Variants in SENP6 observed in about 807,000 individuals in gnomAD.
The protein encoded by SENP6 is sentrin-specific protease 6.
Under a neutral mutation model 134.5 loss-of-function variants are expected in SENP6, and 41 were observed. The ratio of observed to expected loss-of-function variants is 0.30; its 90% CI spans 0.24 to 0.40. The LOEUF is 0.40. SENP6 is among the 10% of genes least tolerant of loss of function. The pLI is 1.00. For synonymous variants in SENP6, 395 were observed against 429.8 expected (o/e 0.92, Z 1.00); for missense variants, 1,248 against 1,312.5 (o/e 0.95, Z 0.76).
chr6:75,654,520 A>G (rs1771162973), intron 7 of SENP6, among the ~76,000 whole-genome samples: 1 of 152,248 alleles, frequency 6.6e-6, no homozygotes, highest in African/African-American at 2.4e-5. Flanking sequence ...AGTGATTTTT[A>G]AAGAAGATAA....
At chr6:75,678,486 C>A (rs943012659) in intron 14 of SENP6, 97 bp from the exon 15 acceptor site, 3 of 658,926 alleles carry the variant, frequency 4.6e-6, no homozygotes, top group African/African-American at 3.7e-5. Flanking sequence ...CATTTTTAAT[C>A]CTTTTGCATT....
chr6:75,625,580 T>G (rs1313734485), intron 3 of SENP6, among the ~76,000 whole-genome samples: 1 of 152,200 alleles, frequency 6.6e-6, no homozygotes, highest in Admixed American at 6.5e-5. Context: ...TTTAATAACT[T>G]ATTTGGGGCT....
At chr6:75,659,520 G>T in intron 8 of SENP6, 113 bp downstream of exon 8, 1 of 1,004,066 alleles carries the variant, frequency 1.0e-6, no homozygotes, top group South Asian at 1.8e-5. Context: ...AAGAGACTTG[G>T]AAAACTTATT....
intron 1 of SENP6, among the ~76,000 whole-genome samples, chr6:75,605,327 CTTTA>C (rs776681701): frequency 2.6e-5 from 4 of 152,152 alleles, no homozygotes; most frequent in African/African-American, 4.8e-5. Flanking sequence ...AGGACTCTGC[CTTTA>C]TTTAGTCTTC....
At chr6:75,679,624 G>T (rs1000582392) in intron 16 of SENP6, 1 of 152,252 alleles carries the variant, frequency 6.6e-6, no homozygotes, top group Non-Finnish European at 1.5e-5. Flanking sequence ...GGACCAGGAA[G>T]CTTTCCTGGA....
chr6:75,622,006 A>G (rs1768310903), intron 2 of SENP6, among the ~76,000 whole-genome samples: 1 of 152,200 alleles, frequency 6.6e-6, no homozygotes, highest in Non-Finnish European at 1.5e-5. Flanking sequence ...TGCATTTTGT[A>G]TGAAAGTTTA....
At position 75,710,332 on chromosome 6, in the gene SENP6, T is replaced by A. The variant is rs1290170229; in HGVS notation, c.2820+702T>A. Among the ~76,000 whole-genome samples the A allele has an allele frequency of 3.3e-5, 5 of 152,308 alleles. 1 individual carries two copies. The South Asian group carries it at 1.0e-3, about 32-fold the overall frequency. ...CAGTATGAACAGCAAGAATAAAGTATATCTGTGAAAATACTTTACTTTTTA... is the reference window on the plus strand; with the variant it reads ...CAGTATGAACAGCAAGAATAAAGTAAATCTGTGAAAATACTTTACTTTTTA... On this transcript the variant is annotated intron_variant, in intron 20 of 23. Transcript: ENST00000447266.
intron 16 of SENP6, among the ~76,000 whole-genome samples, chr6:75,692,605 G>C (rs1157562288): frequency 6.6e-6 from 1 of 151,990 alleles, no homozygotes. Flanking sequence ...CAGCCTGGGC[G>C]AGAGAGTGAG....
chr6:75,666,721 C>T lies in SENP6; in HGVS notation c.1004C>T (p.Ser335Phe). The T allele has an allele frequency of 6.6e-7, 1 of 1,516,012 alleles. No homozygotes were observed. Among genetic ancestry groups the T allele is most frequent in the South Asian group, 1.3e-5 (1 of 74,256 alleles). The allele number at this position is 1,516,012 out of a possible 1,614,324, so 93.9% of individuals were successfully genotyped here. The change falls in exon 10 of 24, where the codon TCC (serine) becomes TTC (phenylalanine). Residue 335 changes from serine (S) to phenylalanine (F), a missense_variant. Physicochemically the swap from Ser to Phe is radical, Grantham distance 155 (BLOSUM62 -2). Transcript: ENST00000447266. ...ATTAAAATACTTTTAGTCATTTTGT[C>T]CAGTGATGATGATGATGACAACGAC... ...LSDLNDPIIL[S>F]SDDDDDNDRT...
At position 75,686,540 on chromosome 6, in the gene SENP6, T is replaced by C. The variant is rs535975104; in HGVS notation, c.2075+7613T>C. Among the ~76,000 whole-genome samples the C allele has an allele frequency of 3.3e-5, 5 of 152,356 alleles. No homozygotes were observed. The East Asian group carries it at 9.6e-4, about 29-fold the overall frequency. ...TTTTTGCAGTGGCTGGTACCAGTTG[T>C]TTCTTTCCATGTTTAGTGCTTCTTT... On this transcript the variant is annotated intron_variant, in intron 16 of 23. Coordinates refer to ENST00000447266, the MANE Select transcript of SENP6 (RefSeq NM_015571.4).
At chr6:75,645,446 T>A (rs1303531043) in intron 6 of SENP6, among the ~76,000 whole-genome samples, 2 of 152,114 alleles carry the variant, frequency 1.3e-5, no homozygotes. Flanking sequence ...TGAAACACCA[T>A]CTCTACTAAA....
chr6:75,635,618 C>G (rs1037953175), intron 5 of SENP6, among the ~76,000 whole-genome samples: 5 of 152,014 alleles, frequency 3.3e-5, no homozygotes, highest in Non-Finnish European at 5.9e-5. Flanking sequence ...ATAAACCAAC[C>G]TTTTGTTTTT....
intron 1 of SENP6, among the ~76,000 whole-genome samples, chr6:75,613,409 A>AC (rs1460666104): frequency 6.6e-6 from 1 of 152,188 alleles, no homozygotes; most frequent in African/African-American, 2.4e-5. Context: ...TAAGATATTT[A>AC]CCGTCTGGCC....
intron 14 of SENP6, 32 bp downstream of exon 14, chr6:75,677,288 T>A: frequency 7.3e-7 from 1 of 1,375,576 alleles, no homozygotes; most frequent in Non-Finnish European, 1.0e-6. Context: ...AAAATATTCT[T>A]AAATTGTGGG....
intron 7 of SENP6, 76 bp downstream of exon 7, chr6:75,647,877 G>A (rs569731): frequency 0.16 from 182,252 of 1,129,500 alleles, 16,921 homozygotes; most frequent in African/African-American, 0.31. Flanking sequence ...ATACGATGCT[G>A]GCTTTAGAAT....
At chr6:75,672,328 A>T (rs1251111109) in intron 11 of SENP6, among the ~76,000 whole-genome samples, 6 of 152,222 alleles carry the variant, frequency 3.9e-5, no homozygotes, top group Admixed American at 3.3e-4. Flanking sequence ...AAAGCTGTTT[A>T]TGAAGAACTA....
chr6:75,621,116 A>G (rs1295386585), intron 1 of SENP6, among the ~76,000 whole-genome samples: 3 of 152,244 alleles, frequency 2.0e-5, no homozygotes, highest in Non-Finnish European at 4.4e-5. Flanking sequence ...TTCTGTTAAA[A>G]GGCAGGTATC....
intron 7 of SENP6, among the ~76,000 whole-genome samples, chr6:75,652,683 C>CAAA (rs71002754): frequency 5.3e-4 from 40 of 75,862 alleles, no homozygotes; most frequent in African/African-American, 2.3e-3. Flanking sequence ...CTAAAAATCT[C>CAAA]AAAAAAAAAA....
At position 75,647,471 on chromosome 6, in the gene SENP6, G is replaced by C. The variant is rs559063179; in HGVS notation, c.480-260G>C. ...CGTAACGTTTTTTGTTCTGATTTTG[G>C]AATTGTCCTCAAGACAATCTCATTC... On this transcript the variant is annotated intron_variant, in intron 6 of 23. Transcript: ENST00000447266. 4 of 248,890 alleles carry C rather than the reference G, an allele frequency of 1.6e-5. No individual in the cohort carries two copies. The South Asian group carries it at 2.3e-4, about 14-fold the overall frequency. The allele number at this position is 248,890 out of a possible 1,614,324, so 15.4% of individuals were successfully genotyped here.
Sources: gnomAD v4.1 joint callset for allele counts (sites outside exome capture counted in the v4.1 genomes callset) on GRCh38, gnomAD v4.1.1 for gene constraint, MANE v1.5 for transcripts, NCBI Gene and HGNC (gene_info 2026-07-23, HGNC 2026-07-21) for gene names.